The following MIPOL1 variants were observed in gnomAD, a reference collection of about 807,000 sequenced individuals.
MIPOL1 encodes the protein mirror-image polydactyly 1.
A neutral mutation model predicts 60.9 loss-of-function variants in MIPOL1; 57 were observed. The ratio of observed to expected loss-of-function variants is 0.94; its 90% CI spans 0.76 to 1.17. MIPOL1 has a LOEUF of 1.17. Ranked by LOEUF, MIPOL1 falls within the 50% of genes most tolerant of loss-of-function variation. The pLI is 0.00. For synonymous variants in MIPOL1, 179 were observed against 168.8 expected (o/e 1.06, Z -0.47); for missense variants, 551 against 511.6 (o/e 1.08, Z -0.74).
chr14:37,444,681 C>T (rs538780530), intron 11 of MIPOL1, among the ~76,000 whole-genome samples: 4 of 151,994 alleles, frequency 2.6e-5, no homozygotes, highest in East Asian at 3.9e-4. Flanking sequence ...TATATAGATC[C>T]GGAGGATAAG....
intron 10 of MIPOL1, among the ~76,000 whole-genome samples, chr14:37,394,057 C>CATATATATATAT (rs56361320): frequency 0.036 from 2,598 of 73,050 alleles, 148 homozygotes; most frequent in Admixed American, 0.062. Flanking sequence ...TTAGTAGTGG[C>CATATATATATAT]ATATATATAT....
chr14:37,295,741 CAAG>C (rs1265632794), intron 7 of MIPOL1, among the ~76,000 whole-genome samples: 1 of 152,174 alleles, frequency 6.6e-6, no homozygotes, highest in African/African-American at 2.4e-5. Flanking sequence ...ATCAGTTCAA[CAAG>C]AAGAACTAAC....
At chr14:37,364,299 G>C (rs892005666) in intron 9 of MIPOL1, among the ~76,000 whole-genome samples, 1 of 152,214 alleles carries the variant, frequency 6.6e-6, no homozygotes, top group Non-Finnish European at 1.5e-5. Context: ...GCTTAGACCA[G>C]CTTAGACCAA....
Position 37,308,507 on chromosome 14 carries a change from T to C in MIPOL1, c.816T>C (p.Ala272=). 1 of 1,581,982 alleles carries C rather than the reference T, an allele frequency of 6.3e-7. No individual in the cohort carries two copies. The highest frequency in any genetic ancestry group is 8.6e-7 in the Non-Finnish European group (1 of 1,167,826). ...EMSALIEERD[A]ALSKCKRLEQ... is the part of the protein sequence containing the mutation. ...GTGCACTAATAGAAGAACGGGATGC[T>C]GCCTTGTCTAAGGTAACTCTGCATA... is the stretch of plus-strand genomic sequence containing the variant. The change falls in exon 9 of 13, where the codon GCT becomes GCC. Residue 272 remains alanine (A), a synonymous_variant. Transcript: ENST00000684589.
At chr14:37,299,749 A>G (rs1400117639) in intron 7 of MIPOL1, among the ~76,000 whole-genome samples, 1 of 152,108 alleles carries the variant, frequency 6.6e-6, no homozygotes, top group Admixed American at 6.6e-5. Flanking sequence ...AGAATTCAGT[A>G]TTGTTACATA....
intron 1 of MIPOL1, among the ~76,000 whole-genome samples, chr14:37,235,961 C>T (rs1971404811): frequency 6.6e-6 from 1 of 150,832 alleles, no homozygotes; most frequent in Non-Finnish European, 1.5e-5. Flanking sequence ...AACTCTTGCT[C>T]TGTCACCTAG....
chr14:37,357,376 T>C (rs2091919767), intron 9 of MIPOL1, among the ~76,000 whole-genome samples: 1 of 152,096 alleles, frequency 6.6e-6, no homozygotes, highest in South Asian at 2.1e-4. Context: ...TCAAGAAATG[T>C]TCACCCTTTT....
intron 7 of MIPOL1, among the ~76,000 whole-genome samples, chr14:37,293,435 T>C (rs1281083070): frequency 6.6e-6 from 1 of 152,070 alleles, no homozygotes; most frequent in East Asian, 1.9e-4. Flanking sequence ...CAGGTTCATC[T>C]CACTGGGGAG....
chr14:37,231,645 AATTAT>A (rs1490878142), intron 1 of MIPOL1, among the ~76,000 whole-genome samples: 19 of 152,246 alleles, frequency 1.2e-4, no homozygotes, highest in South Asian at 2.1e-4. Context: ...ATAATTATAT[AATTAT>A]ATTAAAGTAA....
intron 9 of MIPOL1, among the ~76,000 whole-genome samples, chr14:37,349,870 T>C (rs1415062260): frequency 6.6e-6 from 1 of 152,212 alleles, no homozygotes; most frequent in African/African-American, 2.4e-5. Flanking sequence ...GGAACAGTCA[T>C]TGCTTAATAT....
At chr14:37,459,479 C>A (rs987776203) in intron 11 of MIPOL1, among the ~76,000 whole-genome samples, 6 of 152,054 alleles carry the variant, frequency 3.9e-5, no homozygotes, top group Non-Finnish European at 8.8e-5. Context: ...GAAATAGAAA[C>A]CCTGATCAGA....
At chr14:37,414,492 T>C (rs2093730666) in intron 10 of MIPOL1, among the ~76,000 whole-genome samples, 1 of 152,194 alleles carries the variant, frequency 6.6e-6, no homozygotes, top group African/African-American at 2.4e-5. Flanking sequence ...CCTTGTGAAA[T>C]ATCTCTTCAT....
chr14:37,447,178 C>T (rs2094350500), intron 11 of MIPOL1, among the ~76,000 whole-genome samples: 1 of 151,950 alleles, frequency 6.6e-6, no homozygotes, highest in Non-Finnish European at 1.5e-5. Flanking sequence ...AAAAGGCCAC[C>T]ATTCAAGAAG....
chr14:37,326,017 A>G (rs958429382), intron 9 of MIPOL1, among the ~76,000 whole-genome samples: 1 of 152,170 alleles, frequency 6.6e-6, no homozygotes, highest in Non-Finnish European at 1.5e-5. Flanking sequence ...TAGGAAGCAA[A>G]TATTTTGCTA....
At chr14:37,420,452 T>C (rs1475921913) in intron 10 of MIPOL1, among the ~76,000 whole-genome samples, 1 of 152,082 alleles carries the variant, frequency 6.6e-6, no homozygotes, top group Non-Finnish European at 1.5e-5. Context: ...ACAGGAAAAA[T>C]ATCTTGTTTG....
chr14:37,228,755 G>A (rs574680145), intron 1 of MIPOL1, among the ~76,000 whole-genome samples: 5 of 151,972 alleles, frequency 3.3e-5, no homozygotes, highest in African/African-American at 7.3e-5. Context: ...CACATTTTTC[G>A]TGTGTAATTA....
At chr14:37,354,117 C>T (rs925662669) in intron 9 of MIPOL1, among the ~76,000 whole-genome samples, 5 of 150,846 alleles carry the variant, frequency 3.3e-5, no homozygotes, top group Admixed American at 1.3e-4. Flanking sequence ...TCTTTGTTCT[C>T]GTTGGTTTCA....
intron 11 of MIPOL1, among the ~76,000 whole-genome samples, chr14:37,493,697 T>A (rs941453026): frequency 2.0e-5 from 3 of 152,182 alleles, no homozygotes; most frequent in Non-Finnish European, 4.4e-5. Flanking sequence ...TTATATAATT[T>A]TAAAACTGGA....
At chr14:37,226,824 T>C (rs554468115) in intron 1 of MIPOL1, among the ~76,000 whole-genome samples, 2 of 152,296 alleles carry the variant, frequency 1.3e-5, no homozygotes, top group African/African-American at 4.8e-5. Flanking sequence ...GGAAAGTGTT[T>C]TACCTTTCAG....
Sources: gnomAD v4.1 joint callset for allele counts (sites outside exome capture counted in the v4.1 genomes callset) on GRCh38, gnomAD v4.1.1 for gene constraint, MANE v1.5 for transcripts, NCBI Gene and HGNC (gene_info 2026-07-23, HGNC 2026-07-21) for gene names.